The following RBFOX3 variants were observed in gnomAD, a reference collection of about 807,000 sequenced individuals.
RBFOX3 encodes RNA binding fox-1 homolog 3.
In RBFOX3, 17 loss-of-function variants were observed where a neutral mutation model predicts 48.7. The observed-to-expected ratio is 0.35, with a 90% CI of 0.24 to 0.52. RBFOX3 has a LOEUF of 0.52. RBFOX3 is among the 20% of genes least tolerant of loss of function. The pLI is 0.94. For synonymous variants in RBFOX3, 212 were observed against 209.5 expected (o/e 1.01, Z -0.10); for missense variants, 382 against 497.5 (o/e 0.77, Z 2.21).
chr17:79,635,050 A>T, the RBFOX3 span, among the ~76,000 whole-genome samples: 1 of 101,524 alleles, frequency 9.8e-6, no homozygotes, highest in African/African-American at 4.0e-5. Context: ...ATAAAGCGAG[A>T]CTCCATCTCA....
At chr17:79,096,627 C>A in intron 12 of RBFOX3, 26 bp downstream of exon 12, 1 of 1,489,850 alleles carries the variant, frequency 6.7e-7, no homozygotes, top group Non-Finnish European at 9.2e-7. Context: ...TGATCCCACC[C>A]TCCCTCCCGG....
the RBFOX3 span, among the ~76,000 whole-genome samples, chr17:79,636,828 C>A: frequency 0.97 from 148,375 of 152,272 alleles, 72,560 homozygotes; most frequent in Non-Finnish European, 1. Context: ...ATTTACATTA[C>A]ATGTAAATAG....
intron 6 of RBFOX3, 39 bp from the exon 7 acceptor site, chr17:79,104,165 G>T: frequency 6.6e-7 from 1 of 1,519,264 alleles, no homozygotes; most frequent in African/African-American, 1.4e-5. Context: ...GGGCAGACAG[G>T]AAAGTGCGGG....
chr17:79,298,523 A>C (rs2074772336), intron 3 of RBFOX3: 1 of 152,234 alleles, frequency 6.6e-6, no homozygotes, highest in African/African-American at 2.4e-5. Flanking sequence ...CCAACGCTTC[A>C]CTTGATGGAG....
At chr17:79,152,312 T>C (rs1488366827) in intron 4 of RBFOX3, among the ~76,000 whole-genome samples, 1 of 152,114 alleles carries the variant, frequency 6.6e-6, no homozygotes, top group Non-Finnish European at 1.5e-5. Context: ...TCAGTGAAGC[T>C]GAGAGGCGGC....
chr17:79,503,992 C>G (rs1466409842), intron 1 of RBFOX3, among the ~76,000 whole-genome samples: 2 of 151,426 alleles, frequency 1.3e-5, no homozygotes, highest in Admixed American at 6.6e-5. Flanking sequence ...GGTGGGTGGG[C>G]GGGGTGGCAG....
chr17:79,463,195 CGCCATCGCCACT>C, intron 2 of RBFOX3, among the ~76,000 whole-genome samples: 1 of 134,030 alleles, frequency 7.5e-6, no homozygotes, highest in Non-Finnish European at 1.7e-5. Flanking sequence ...CCACTGCCAC[CGCCATCGCCACT>C]GCCACCTCCA....
the RBFOX3 span, among the ~76,000 whole-genome samples, chr17:79,617,612 C>T: frequency 1.3e-5 from 2 of 152,226 alleles, no homozygotes; most frequent in African/African-American, 2.4e-5. Flanking sequence ...CGAGGTTGCA[C>T]GTCAGCATCT....
At chr17:79,185,634 G>C (rs1284679573) in intron 4 of RBFOX3, among the ~76,000 whole-genome samples, 3 of 152,142 alleles carry the variant, frequency 2.0e-5, no homozygotes, top group Non-Finnish European at 4.4e-5. Context: ...GCATTCAGCC[G>C]AAACCCAGGC....
intron 4 of RBFOX3, among the ~76,000 whole-genome samples, chr17:79,157,218 A>C (rs1419395442): frequency 6.6e-6 from 1 of 151,566 alleles, no homozygotes; most frequent in African/African-American, 2.4e-5. Flanking sequence ...AGGGGCCCCC[A>C]CTCTGTCCTC....
At chr17:79,328,388 G>A (rs924593783) in intron 2 of RBFOX3, among the ~76,000 whole-genome samples, 3 of 152,220 alleles carry the variant, frequency 2.0e-5, no homozygotes, top group Non-Finnish European at 2.9e-5. Context: ...GGTGACCCTG[G>A]CCACAATCTG....
At chr17:79,237,860 C>T (rs1174344148) in intron 3 of RBFOX3, among the ~76,000 whole-genome samples, 1 of 152,218 alleles carries the variant, frequency 6.6e-6, no homozygotes, top group Non-Finnish European at 1.5e-5. Context: ...TTGGAAGGCA[C>T]TGCCAGTGAG....
the RBFOX3 span, among the ~76,000 whole-genome samples, chr17:79,645,909 A>G: frequency 2.0e-5 from 3 of 152,218 alleles, no homozygotes; most frequent in Non-Finnish European, 4.4e-5. Context: ...CTCAAAAGGA[A>G]TCTGCAATAA....
the RBFOX3 span, among the ~76,000 whole-genome samples, chr17:79,630,500 C>T: frequency 5.3e-5 from 8 of 152,138 alleles, no homozygotes; most frequent in Non-Finnish European, 1.0e-4. Context: ...CTTGACAGTC[C>T]TTTCCAGATT....
intron 1 of RBFOX3, among the ~76,000 whole-genome samples, chr17:79,520,546 C>G (rs1307028525): frequency 3.3e-5 from 5 of 152,230 alleles, no homozygotes; most frequent in African/African-American, 1.2e-4. Flanking sequence ...CCGCCTGCCC[C>G]CTGCCACCAG....
chr17:79,532,629 C>G (rs1188537220), intron 1 of RBFOX3, among the ~76,000 whole-genome samples: 1 of 152,240 alleles, frequency 6.6e-6, no homozygotes, highest in Non-Finnish European at 1.5e-5. Flanking sequence ...ACACAGAGCT[C>G]GCTCTCCAGG....
At chr17:79,342,082 T>C (rs1194704278) in intron 2 of RBFOX3, among the ~76,000 whole-genome samples, 3 of 152,228 alleles carry the variant, frequency 2.0e-5, no homozygotes, top group Non-Finnish European at 4.4e-5. Context: ...TTAGAGGCGA[T>C]AAAAGCCATG....
At chr17:79,106,250 C>G (rs569208695) in intron 6 of RBFOX3, among the ~76,000 whole-genome samples, 8 of 152,168 alleles carry the variant, frequency 5.3e-5, no homozygotes, top group Non-Finnish European at 1.0e-4. Context: ...TACCCTCTTG[C>G]GAGGAGACAG....
the RBFOX3 span, among the ~76,000 whole-genome samples, chr17:79,624,807 A>G: frequency 7.8e-6 from 1 of 128,684 alleles, no homozygotes; most frequent in East Asian, 2.6e-4. Flanking sequence ...CTTAGAAGGC[A>G]CCCCCGCCCC....
Sources: allele counts gnomAD v4.1 joint callset (sites outside exome capture counted in the v4.1 genomes callset), GRCh38; gene constraint gnomAD v4.1.1; transcripts MANE v1.5; gene names NCBI Gene and HGNC (gene_info 2026-07-23, HGNC 2026-07-21).